The following FRMPD4 variants were observed in gnomAD, a reference collection of about 807,000 sequenced individuals.
FRMPD4 encodes FERM and PDZ domain-containing protein 4.
Under a neutral mutation model 94.1 loss-of-function variants are expected in FRMPD4, and 22 were observed. The ratio of observed to expected loss-of-function variants is 0.23; its 90% CI spans 0.17 to 0.33. FRMPD4 has a LOEUF of 0.33. FRMPD4 is among the 10% of genes least tolerant of loss of function. The probability of loss-of-function intolerance (pLI) is 1.00; values close to 1 mark genes in which losing one functional copy is unlikely to be tolerated. For synonymous variants in FRMPD4, 631 were observed against 548.6 expected, an observed-to-expected ratio of 1.15 and a Z score of -2.10; for missense variants, 1,111 against 1,339.9, an observed-to-expected ratio of 0.83 and a Z score of 2.67.
At chrX:12,578,294 C>T (rs1403545493) in intron 2 of FRMPD4, among the ~76,000 whole-genome samples, 2 of 112,532 alleles carry the variant, frequency 1.8e-5, no homozygotes, top group Non-Finnish European at 3.8e-5. Context: ...TAGGACTGCT[C>T]ACCCGCTGGT....
chrX:12,474,511 T>A (rs1242471632), intron 1 of FRMPD4, among the ~76,000 whole-genome samples: 11 of 111,308 alleles, frequency 9.9e-5, no homozygotes, highest in Non-Finnish European at 1.9e-4. Flanking sequence ...AAAAAATCAA[T>A]GAATCCAGGA....
At chrX:12,333,416 T>C (rs2055463527) in intron 1 of FRMPD4, among the ~76,000 whole-genome samples, 1 of 111,634 alleles carries the variant, frequency 9.0e-6, no homozygotes, top group Non-Finnish European at 1.9e-5. Context: ...TGGCCTAAGT[T>C]CATGAAGCAG....
intron 2 of FRMPD4, among the ~76,000 whole-genome samples, chrX:12,522,165 C>G (rs1465634501): frequency 9.1e-6 from 1 of 110,347 alleles, no homozygotes; most frequent in Non-Finnish European, 1.9e-5. Flanking sequence ...GGTGCACTCA[C>G]AAAAGCCACC....
intron 2 of FRMPD4, among the ~76,000 whole-genome samples, chrX:12,575,645 TTTC>T (rs1311909052): frequency 1.8e-5 from 2 of 112,005 alleles, no homozygotes; most frequent in Non-Finnish European, 3.8e-5. Flanking sequence ...GGAATTGAGG[TTTC>T]TTATCAGCTG....
At chrX:12,625,026 A>G (rs2059332572) in intron 4 of FRMPD4, among the ~76,000 whole-genome samples, 1 of 112,219 alleles carries the variant, frequency 8.9e-6, no homozygotes, top group African/African-American at 3.2e-5. Flanking sequence ...CAACAGGTAT[A>G]TAAAAAATGC....
chrX:12,098,310 G>A (rs2055224695), intron 3 of FRMPD4, among the ~76,000 whole-genome samples: 1 of 111,140 alleles, frequency 9.0e-6, no homozygotes, highest in Non-Finnish European at 1.9e-5. Context: ...GATCTGTAGA[G>A]CATTAATGTT....
At chrX:11,979,326 A>G (rs2054385260) in intron 3 of FRMPD4, among the ~76,000 whole-genome samples, 1 of 112,537 alleles carries the variant, frequency 8.9e-6, no homozygotes, top group South Asian at 3.7e-4. Flanking sequence ...GTCATTCTAC[A>G]GTTAATAGAT....
intron 1 of FRMPD4, among the ~76,000 whole-genome samples, chrX:12,160,671 A>C (rs1453934386): frequency 1.8e-5 from 2 of 111,756 alleles, no homozygotes; most frequent in Non-Finnish European, 3.8e-5. Flanking sequence ...TACTGCCCCA[A>C]GATATAATTA....
At chrX:12,263,779 T>C (rs1006347925) in intron 1 of FRMPD4, among the ~76,000 whole-genome samples, 1 of 109,625 alleles carries the variant, frequency 9.1e-6, no homozygotes, top group East Asian at 2.8e-4. Context: ...TACCACAGAC[T>C]GCATAACTTG....
chrX:12,598,459 C>T (rs1374188239), intron 2 of FRMPD4, among the ~76,000 whole-genome samples: 1 of 111,722 alleles, frequency 9.0e-6, no homozygotes, highest in African/African-American at 3.3e-5. Context: ...TTCCCATCCT[C>T]ATTCTCTCCT....
intron 2 of FRMPD4, among the ~76,000 whole-genome samples, chrX:11,876,321 T>C (rs996328452): frequency 9.0e-6 from 1 of 110,557 alleles, no homozygotes; most frequent in African/African-American, 3.3e-5. Flanking sequence ...TAGACTGTTG[T>C]TCGTGTATTT....
chrX:12,154,623 G>A (rs969214705), intron 1 of FRMPD4, among the ~76,000 whole-genome samples: 14 of 112,520 alleles, frequency 1.2e-4, no homozygotes, highest in Non-Finnish European at 3.8e-5. Flanking sequence ...ATACTTAGTA[G>A]GACATGTATA....
At chrX:12,598,914 CAA>C (rs1411653282) in intron 2 of FRMPD4, among the ~76,000 whole-genome samples, 2 of 111,860 alleles carry the variant, frequency 1.8e-5, no homozygotes, top group Non-Finnish European at 3.8e-5. Context: ...ATGAAATTTT[CAA>C]AGTGTGGCCA....
intron 1 of FRMPD4, among the ~76,000 whole-genome samples, chrX:11,850,442 C>T (rs1401858349): frequency 8.9e-6 from 1 of 112,103 alleles, no homozygotes; most frequent in Non-Finnish European, 1.9e-5. Flanking sequence ...AGCAAATCTA[C>T]TTCGGGGTTT....
At chrX:12,480,606 C>G (rs1291200408) in intron 1 of FRMPD4, among the ~76,000 whole-genome samples, 3 of 111,455 alleles carry the variant, frequency 2.7e-5, no homozygotes, top group Non-Finnish European at 3.8e-5. Context: ...TTGGCCTGGA[C>G]CAGGTTGTCT....
At chrX:12,164,876 G>T (rs1228591898) in intron 1 of FRMPD4, among the ~76,000 whole-genome samples, 3 of 111,786 alleles carry the variant, frequency 2.7e-5, no homozygotes, top group Admixed American at 9.4e-5. Context: ...CATATCCTTC[G>T]CCCACTTTTT....
rs148480903 is a variant in FRMPD4, at chrX:12,717,008, T to C, written c.2549T>C (p.Ile850Thr). 5.0e-6 allele frequency: 6 copies of C among 1,208,880 alleles called. No homozygotes were observed. Among genetic ancestry groups the C allele is most frequent in the East Asian group, 5.9e-5 (2 of 33,773 alleles). Residue 850 changes from isoleucine to threonine, a missense_variant, in exon 15 of 17, where the codon ATT becomes ACT. By Grantham distance (89) the Ile-to-Thr change is moderately conservative. Transcript: ENST00000675598. ...AATGATGAGATCCCCGTGTCCCTCA[T>C]TGACGCTGTGCCCACCAGCGCCGAA... ...LQNDEIPVSLIDAVPTSAEGK... is the reference protein window; with the variant it reads ...LQNDEIPVSLTDAVPTSAEGK...
At chrX:11,892,440 G>C (rs1429670797) in intron 3 of FRMPD4, among the ~76,000 whole-genome samples, 2 of 112,098 alleles carry the variant, frequency 1.8e-5, no homozygotes, top group Non-Finnish European at 3.8e-5. Flanking sequence ...TGAGTGAGTG[G>C]TCTGTGGGAG....
At chrX:12,583,357 C>T in intron 2 of FRMPD4, 1 of 720,990 alleles carries the variant, frequency 1.4e-6, no homozygotes, top group Non-Finnish European at 2.1e-6. Flanking sequence ...GGATGAGAGC[C>T]CCAGGCCGGC....
Sources: allele counts gnomAD v4.1 joint callset (sites outside exome capture counted in the v4.1 genomes callset), GRCh38; gene constraint gnomAD v4.1.1; transcripts MANE v1.5; gene names NCBI Gene and HGNC (gene_info 2026-07-23, HGNC 2026-07-21).